Variants in ING5 observed in about 807,000 individuals in gnomAD.
The protein encoded by ING5 is inhibitor of growth protein 5.
Under a neutral mutation model 37.4 loss-of-function variants are expected in ING5, and 17 were observed. The observed-to-expected ratio is 0.45, with a 90% CI of 0.31 to 0.68. ING5 has a LOEUF of 0.68. ING5 is among the 30% of genes least tolerant of loss of function. The pLI, the probability that ING5 is intolerant of heterozygous loss-of-function variation, is 0.05. For missense variants in ING5, 233 were observed against 311.9 expected (o/e 0.75, Z 1.91); for synonymous variants, 123 against 116.6 (o/e 1.06, Z -0.36).
chr2:241,698,427 A>AT (rs920569825), upstream of ING5, among the ~76,000 whole-genome samples: 1 of 152,138 alleles, frequency 6.6e-6, no homozygotes, highest in African/African-American at 2.4e-5. Flanking sequence ...AAAAAAAAAA[A>AT]AAGTATCAAT....
chr2:241,714,719 C>T (rs1053779205), intron 5 of ING5, among the ~76,000 whole-genome samples: 1 of 151,964 alleles, frequency 6.6e-6, no homozygotes, highest in African/African-American at 2.4e-5. Flanking sequence ...ATTCTCCCAC[C>T]TCAGCTCCCG....
chr2:241,700,882 T>C (rs1163065205), upstream of ING5, among the ~76,000 whole-genome samples: 1 of 151,762 alleles, frequency 6.6e-6, no homozygotes, highest in East Asian at 1.9e-4. Flanking sequence ...CGCCTCGGCC[T>C]CCCAAAGTGT....
At chr2:241,722,710 T>C (rs1460685091) in intron 5 of ING5, 3 of 985,300 alleles carry the variant, frequency 3.0e-6, no homozygotes, top group Admixed American at 6.1e-5. Flanking sequence ...ATGACTGCAG[T>C]GGCTGGCCCT....
At chr2:241,715,169 C>T (rs1242996164) in intron 5 of ING5, among the ~76,000 whole-genome samples, 2 of 151,892 alleles carry the variant, frequency 1.3e-5, no homozygotes, top group Admixed American at 6.6e-5. Context: ...ATTTTTATTT[C>T]GTTTACCTAT....
rs1691638477 is a variant in ING5 at position 241,726,810 on chromosome 2, T to C, written c.*1779T>C. Reference sequence around the variant, plus strand: ...TGGGTTTTGTATGTTAATTTTTTTTTTTGAGACGGAGTCTTGCTCTGTCAC... The same window carrying C: ...TGGGTTTTGTATGTTAATTTTTTTTCTTGAGACGGAGTCTTGCTCTGTCAC... On this transcript the variant is annotated 3_prime_UTR_variant, in exon 8 of 8. Coordinates refer to ENST00000313552, the MANE Select transcript of ING5 (RefSeq NM_032329.6). The C allele has an allele frequency of 6.6e-6, 1 of 152,318 alleles. No homozygotes were observed. 9.4% of individuals were successfully genotyped at this position (152,318 alleles called of 1,614,324 possible). A position where few individuals can be genotyped will look rare whatever the true frequency, so the allele number is the denominator to read the frequency against.
chr2:241,712,974 C>A (rs536297228), intron 5 of ING5, among the ~76,000 whole-genome samples: 18 of 148,864 alleles, frequency 1.2e-4, no homozygotes, highest in African/African-American at 4.2e-4. Context: ...ACATTCCAGC[C>A]TGGGCCACAG....
upstream of ING5, among the ~76,000 whole-genome samples, chr2:241,700,140 G>A (rs547775637): frequency 5.0e-4 from 71 of 141,704 alleles, no homozygotes; most frequent in Non-Finnish European, 7.4e-4. Context: ...CAGCCATTAT[G>A]CCCGGCTAAG....
At chr2:241,719,944 G>A (rs2070387620) in intron 5 of ING5, 1 of 1,283,498 alleles carries the variant, frequency 7.8e-7, no homozygotes, top group Non-Finnish European at 9.8e-7. Context: ...TCTAGCTTGT[G>A]TGTGAATCTC....
rs150599477 is a variant in ING5 at position 241,725,369 on chromosome 2, G to A, written c.*338G>A. ...CATGGTAACCTGGTCCACGGAGGGC[G>A]GCCGCCACCCTCGCGTAGCTTTCCT... On this transcript the variant is annotated 3_prime_UTR_variant, in exon 8 of 8. Transcript: ENST00000313552. The A allele has an allele frequency of 0.014, 4,537 of 320,258 alleles. 97 individuals carry two copies. Among genetic ancestry groups the A allele is most frequent in the South Asian group, 0.053 (1,691 of 31,924 alleles). The allele number at this position is 320,258 out of a possible 1,614,324, so 19.8% of individuals were successfully genotyped here.
chr2:241,694,076 G>A (rs1417671180), intron 2 of ING5: 2 of 151,708 alleles, frequency 1.3e-5, no homozygotes, highest in Non-Finnish European at 2.9e-5. Flanking sequence ...GATATGTGAG[G>A]GCCAATAACC....
At chr2:241,722,573 G>A (rs2124951619) in intron 5 of ING5, 1 of 985,396 alleles carries the variant, frequency 1.0e-6, no homozygotes. Flanking sequence ...CTGACAATCT[G>A]TTCGTATACT....
intron 5 of ING5, chr2:241,720,060 G>A (rs773781096): frequency 6.7e-5 from 83 of 1,241,502 alleles, no homozygotes; most frequent in Middle Eastern, 4.1e-4. Context: ...CGTCCAAGGC[G>A]CCAAGGAGGC....
intron 3 of ING5, among the ~76,000 whole-genome samples, chr2:241,710,905 G>A (rs931175173): frequency 5.3e-5 from 8 of 151,768 alleles, no homozygotes; most frequent in Non-Finnish European, 1.2e-4. Context: ...GAGCCACCGC[G>A]CCTGCCCTAA....
rs1362403710 is a variant in ING5, at chr2:241,693,263, A to AC, written c.43+2610_43+2611insC. ...GGGCGAGACTGTCTCAAAAAAAAAA[A>AC]AAAAAAAAAGCAAAGCTCCTTAAGG... On this transcript the variant is annotated intron_variant, in intron 2 of 7. Transcript: ENST00000636051. Among the ~76,000 whole-genome samples, 3 of 151,790 alleles carry AC rather than the reference A, an allele frequency of 2.0e-5. No homozygotes were observed. The East Asian group carries it at 5.8e-4, about 29-fold the overall frequency.
rs537657050 is a variant in ING5, at chr2:241,723,641, G to A, written c.680+370G>A. 46 of 949,826 alleles carry A rather than the reference G, an allele frequency of 4.8e-5. No homozygotes were observed. The South Asian group carries it at 5.2e-4, about 11-fold the overall frequency. The allele number at this position is 949,826 out of a possible 1,614,324, so 58.8% of individuals were successfully genotyped here. ...AGGTTCTTGTCCCCTAGGGAAATTTGGGAAATATAGCATGAGATGTGAGCC... is the reference window on the plus strand; with the variant it reads ...AGGTTCTTGTCCCCTAGGGAAATTTAGGAAATATAGCATGAGATGTGAGCC... On this transcript the variant is annotated intron_variant, in intron 7 of 7. Coordinates refer to ENST00000313552, the MANE Select transcript of ING5 (RefSeq NM_032329.6).
At chr2:241,691,949 G>A (rs1192618003) in intron 2 of ING5, among the ~76,000 whole-genome samples, 6 of 152,288 alleles carry the variant, frequency 3.9e-5, no homozygotes, top group African/African-American at 1.4e-4. Context: ...TTGGGAAGCT[G>A]AGGTGGGAGG....
chr2:241,718,289 T>G (rs1423892265), intron 5 of ING5, among the ~76,000 whole-genome samples: 1 of 150,990 alleles, frequency 6.6e-6, no homozygotes, highest in Non-Finnish European at 1.5e-5. Context: ...CCTTTCCTTC[T>G]TTCTTTCCTT....
rs186764995 is a variant in ING5 at position 241,695,188 on chromosome 2, G to A, written c.43+4535G>A. Among the ~76,000 whole-genome samples, 283 of 151,066 alleles carry A rather than the reference G, an allele frequency of 1.9e-3. 3 individuals carry two copies. The highest frequency in any genetic ancestry group is 3.9e-3 in the South Asian group (19 of 4,818). On this transcript the variant is annotated intron_variant, in intron 2 of 7. Coordinates refer to the ING5 transcript ENST00000636051. The stretch of plus-strand genomic sequence containing the variant: ...CTACCAAAGTGAGGTCACAAGAGCC[G>A]GTGGCTTCCACCCCAGCCTCCTGGG...
intron 1 of ING5, chr2:241,689,788 T>G (rs2069521544): frequency 6.6e-6 from 1 of 152,196 alleles, no homozygotes; most frequent in African/African-American, 2.4e-5. Context: ...AGTAATATCC[T>G]TTTTTCTGAT....
Sources: allele counts gnomAD v4.1 joint callset (sites outside exome capture counted in the v4.1 genomes callset), GRCh38; gene constraint gnomAD v4.1.1; transcripts MANE v1.5; gene names NCBI Gene and HGNC (gene_info 2026-07-23, HGNC 2026-07-21).